The following BLK variants were observed in gnomAD, a reference collection of about 807,000 sequenced individuals.
BLK encodes the protein tyrosine-protein kinase Blk.
BLK carries 64 observed loss-of-function variants against 61.8 expected under a neutral mutation model. The observed-to-expected ratio is 1.03, with a 90% CI of 0.85 to 1.27. BLK has a LOEUF of 1.27. BLK is among the 50% of genes most tolerant of loss of function. The pLI is 0.00. For missense variants in BLK, 853 were observed against 660.5 expected, an observed-to-expected ratio of 1.29 and a Z score of -3.19; for synonymous variants, 351 against 272.0, an observed-to-expected ratio of 1.29 and a Z score of -2.86.
intron 3 of BLK, 80 bp downstream of exon 3, chr8:11,546,183 G>A: frequency 6.5e-7 from 1 of 1,533,292 alleles, no homozygotes; most frequent in Non-Finnish European, 9.0e-7. Flanking sequence ...GAAAAAGGTT[G>A]AGTCAGGAGC....
intron 2 of BLK, 164 bp from the exon 3 acceptor site, chr8:11,545,888 C>T: frequency 1.3e-6 from 1 of 787,564 alleles, no homozygotes; most frequent in South Asian, 1.4e-5. Flanking sequence ...TAGTGCTGGT[C>T]CCTGGGTACA....
intron 8 of BLK, chr8:11,556,034 TA>T (rs552138351): frequency 4.1e-6 from 1 of 242,772 alleles, no homozygotes; most frequent in Non-Finnish European, 8.1e-6. Flanking sequence ...AGTCCTCCCT[TA>T]CCTGGGGCTG....
At chr8:11,497,132 A>T (rs955769280) in intron 1 of BLK, among the ~76,000 whole-genome samples, 2 of 152,208 alleles carry the variant, frequency 1.3e-5, no homozygotes, top group African/African-American at 4.8e-5. Flanking sequence ...AGGAGGAAGA[A>T]AAAATGATGA....
intron 1 of BLK, among the ~76,000 whole-genome samples, chr8:11,524,672 G>C (rs6992127): frequency 1.3e-5 from 2 of 152,170 alleles, no homozygotes; most frequent in African/African-American, 4.8e-5. Flanking sequence ...AAGAGAAAGG[G>C]CATGAGCAAA....
At chr8:11,563,182 T>C in intron 12 of BLK, 72 bp downstream of exon 12, 1 of 1,603,382 alleles carries the variant, frequency 6.2e-7, no homozygotes, top group Non-Finnish European at 8.5e-7. Context: ...CGCCTGTGCT[T>C]GGTGCCTGTG....
chr8:11,554,651 T>C (rs549112078), intron 6 of BLK, 92 bp from the exon 7 acceptor site: 17 of 1,526,592 alleles, frequency 1.1e-5, no homozygotes, highest in South Asian at 2.3e-5. Context: ...ATTGGGGAAC[T>C]TTTTTCAAAG....
chr8:11,552,442 T>A (rs1800949073), intron 6 of BLK: 1 of 152,260 alleles, frequency 6.6e-6, no homozygotes, highest in South Asian at 2.1e-4. Flanking sequence ...CTATTTCATT[T>A]TTGTGGCAGA....
intron 3 of BLK, 45 bp downstream of exon 3, chr8:11,546,148 C>A: frequency 1.2e-6 from 2 of 1,605,736 alleles, no homozygotes; most frequent in Non-Finnish European, 8.5e-7. Context: ...AGCCCTCTCC[C>A]CTAGGTGGCA....
In BLK at chr8:11,561,230, G is replaced by C. The variant is rs1345156490; in HGVS notation, c.1030-72G>C. ...CCAGCAGCCCACAGGGGCTGTGCGG[G>C]GGACACAGTGTGGGCTCGGTCTTGG... On this transcript the variant is annotated intron_variant, in intron 10 of 12. Transcript: ENST00000259089. 2.6e-6 allele frequency: 4 copies of C among 1,564,494 alleles called. No individual in the cohort carries two copies. The South Asian group carries it at 3.5e-5, about 14-fold the overall frequency.
chr8:11,514,893 G>C (rs532738039), intron 1 of BLK, among the ~76,000 whole-genome samples: 88 of 152,250 alleles, frequency 5.8e-4, no homozygotes, highest in Admixed American at 1.0e-3. Context: ...CAACCCACCA[G>C]TCAGCAATAC....
rs747174966 is a variant in BLK at position 11,543,256 on chromosome 8, A to T, written c.32A>T (p.Lys11Met). The T allele has an allele frequency of 6.2e-7, 1 of 1,613,928 alleles. No individual in the cohort carries two copies. Among genetic ancestry groups the T allele is most frequent in the Non-Finnish European group, 8.5e-7 (1 of 1,180,026 alleles). MGLVSSKKPD[K>M]EKPIKEKDKG... Reference sequence around the variant, plus strand: ...CTGGTAAGTAGCAAAAAGCCGGACAAGGAAAAGCCGATCAAAGAGAAGGAC... The same window carrying T: ...CTGGTAAGTAGCAAAAAGCCGGACATGGAAAAGCCGATCAAAGAGAAGGAC... Residue 11 changes from lysine (K) to methionine (M), a missense_variant, in exon 2 of 13, where the codon AAG (lysine) becomes ATG (methionine). By Grantham distance (95) the Lys-to-Met change is moderately conservative (BLOSUM62 -1). Coordinates refer to ENST00000259089, the MANE Select transcript of BLK (RefSeq NM_001715.3).
At chr8:11,524,705 T>C (rs1799584318) in intron 1 of BLK, among the ~76,000 whole-genome samples, 1 of 152,174 alleles carries the variant, frequency 6.6e-6, no homozygotes, top group Non-Finnish European at 1.5e-5. Flanking sequence ...AGCATGTTTA[T>C]GATCTTGAGA....
intron 1 of BLK, among the ~76,000 whole-genome samples, chr8:11,542,920 G>T (rs1480807894): frequency 1.3e-5 from 2 of 152,138 alleles, no homozygotes; most frequent in African/African-American, 4.8e-5. Flanking sequence ...GTGGCCTCCC[G>T]CTCAGGCTCC....
At chr8:11,531,025 A>G (rs1799865065) in intron 1 of BLK, among the ~76,000 whole-genome samples, 1 of 152,082 alleles carries the variant, frequency 6.6e-6, no homozygotes, top group African/African-American at 2.4e-5. Flanking sequence ...CGGTCATCTA[A>G]TTTTAGCATC....
intron 1 of BLK, among the ~76,000 whole-genome samples, chr8:11,505,567 C>T (rs1035405150): frequency 6.6e-6 from 1 of 152,204 alleles, no homozygotes; most frequent in African/African-American, 2.4e-5. Flanking sequence ...TTCGTTCAGG[C>T]CCTCCCCCTT....
chr8:11,521,756 T>A (rs1413142829), intron 1 of BLK, among the ~76,000 whole-genome samples: 9 of 152,202 alleles, frequency 5.9e-5, no homozygotes, highest in Non-Finnish European at 1.0e-4. Flanking sequence ...AGGGTCCGTC[T>A]GAGACTCTCC....
At chr8:11,507,430 C>A (rs1339426268) in intron 1 of BLK, among the ~76,000 whole-genome samples, 2 of 152,186 alleles carry the variant, frequency 1.3e-5, no homozygotes, top group South Asian at 2.1e-4. Flanking sequence ...CCTGTCATGG[C>A]CCTCAAGAAA....
At chr8:11,497,404 G>A (rs1234604107) in intron 1 of BLK, among the ~76,000 whole-genome samples, 1 of 152,084 alleles carries the variant, frequency 6.6e-6, no homozygotes, top group African/African-American at 2.4e-5. Context: ...CATTTGCTCT[G>A]ACGTCCAGGG....
intron 1 of BLK, among the ~76,000 whole-genome samples, chr8:11,525,450 A>T (rs1411580443): frequency 6.6e-6 from 1 of 150,972 alleles, no homozygotes; most frequent in Non-Finnish European, 1.5e-5. Flanking sequence ...TAAATTTCAC[A>T]CAAGCAGGAT....
Sources: gnomAD v4.1 joint callset for allele counts (sites outside exome capture counted in the v4.1 genomes callset) on GRCh38, gnomAD v4.1.1 for gene constraint, MANE v1.5 for transcripts, NCBI Gene and HGNC (gene_info 2026-07-23, HGNC 2026-07-21) for gene names.